The following RAB5B variants were observed in gnomAD, a reference collection of about 807,000 sequenced individuals.
RAB5B encodes the protein RAB5B, member RAS oncogene family.
RAB5B carries 11 observed loss-of-function variants against 28.6 expected under a neutral mutation model. The observed-to-expected ratio is 0.38, with a 90% CI of 0.24 to 0.64. The LOEUF (loss-of-function observed/expected upper bound fraction) is 0.64, where lower values mean the gene tolerates loss of function less well. Ranked by LOEUF, RAB5B falls within the 30% of genes least tolerant of loss-of-function variation. The probability of loss-of-function intolerance (pLI) is 0.53; values close to 1 mark genes in which losing one functional copy is unlikely to be tolerated. For synonymous variants in RAB5B, 93 were observed against 97.9 expected (o/e 0.95, Z 0.29); for missense variants, 169 against 265.6 (o/e 0.64, Z 2.53).
At chr12:55,989,272 C>CGTTT (rs1438885682) in intron 2 of RAB5B, among the ~76,000 whole-genome samples, 1 of 149,012 alleles carries the variant, frequency 6.7e-6, no homozygotes, top group African/African-American at 2.5e-5. Flanking sequence ...TGTTTGTTTG[C>CGTTT]GTTTGTTTGT....
intron 3 of RAB5B, 114 bp downstream of exon 3, chr12:55,990,212 A>T (rs1469047515): frequency 8.4e-7 from 1 of 1,193,308 alleles, no homozygotes; most frequent in African/African-American, 1.5e-5. Flanking sequence ...GATTGAGACC[A>T]TCCTGGCCAA....
At position 55,987,006 on chromosome 12, in the gene RAB5B, A is replaced by G. The variant is rs757683306; in HGVS notation, c.46A>G (p.Ser16Gly). ...TARPNGQPQA[S>G]KICQFKLVLL... is the part of the protein sequence containing the mutation. ...TAGGCCCAATGGGCAACCCCAGGCC[A>G]GCAAAATTTGCCAGTTCAAATTGGT... Residue 16 changes from serine (S) to glycine (G), a missense_variant, in exon 2 of 6, where the codon AGC becomes GGC. Ser to Gly is a moderately conservative substitution (Grantham distance 56). Transcript: ENST00000360299. 16 of 1,551,614 alleles carry G rather than the reference A, an allele frequency of 1.0e-5. No individual in the cohort carries two copies. In the Admixed American group the frequency reaches 2.8e-4, roughly 27 times the overall value.
chr12:55,985,971 A>T (rs533081355), intron 1 of RAB5B, among the ~76,000 whole-genome samples: 1 of 152,320 alleles, frequency 6.6e-6, no homozygotes, highest in South Asian at 2.1e-4. Context: ...ACCTTCAACC[A>T]AAAATGAGAA....
At chr12:55,990,591 A>G in intron 3 of RAB5B, 91 bp from the exon 4 acceptor site, 3 of 1,514,632 alleles carry the variant, frequency 2.0e-6, no homozygotes, top group Middle Eastern at 1.7e-4. Flanking sequence ...AAGACCACCT[A>G]GAAGAGGTGA....
At chr12:55,990,600 G>A in intron 3 of RAB5B, 82 bp from the exon 4 acceptor site, 1 of 1,557,982 alleles carries the variant, frequency 6.4e-7, no homozygotes, top group Non-Finnish European at 8.8e-7. Flanking sequence ...TAGAAGAGGT[G>A]AATTTTGAGA....
In RAB5B at chr12:55,992,221, C is replaced by T. The variant is rs1250567074; in HGVS notation, c.*9C>T. 2.5e-6 allele frequency: 4 copies of T among 1,602,956 alleles called. No homozygotes were observed. The Admixed American group carries it at 6.7e-5, about 27-fold the overall frequency. On this transcript the variant is annotated 3_prime_UTR_variant, in exon 6 of 6. Coordinates refer to ENST00000360299, the MANE Select transcript of RAB5B (RefSeq NM_002868.4). The stretch of plus-strand genomic sequence containing the variant: ...AGTGTTGTAGCAACTGAGGGGGTGG[C>T]TAGCAGCAAACAAGTATGGAGCTAG...
chr12:55,983,440 T>C (rs1889863956), intron 1 of RAB5B, among the ~76,000 whole-genome samples: 1 of 152,236 alleles, frequency 6.6e-6, no homozygotes, highest in African/African-American at 2.4e-5. Flanking sequence ...ATCTTTATTT[T>C]GATCCTTTCG....
At chr12:55,986,735 A>T (rs1889961137) in intron 1 of RAB5B, 134 bp from the exon 2 acceptor site, 1 of 573,108 alleles carries the variant, frequency 1.7e-6, no homozygotes, top group South Asian at 2.0e-5. Context: ...ACCACTGAGG[A>T]TCAGCTGCCT....
chr12:55,992,218 T>C lies in RAB5B; in HGVS notation c.*6T>C, dbSNP rs549923172. On this transcript the variant is annotated 3_prime_UTR_variant, in exon 6 of 6. Coordinates refer to ENST00000360299, the MANE Select transcript of RAB5B (RefSeq NM_002868.4). ...GCCAGTGTTGTAGCAACTGAGGGGGTGGCTAGCAGCAAACAAGTATGGAGC... is the reference window on the plus strand; with the variant it reads ...GCCAGTGTTGTAGCAACTGAGGGGGCGGCTAGCAGCAAACAAGTATGGAGC... The C allele has an allele frequency of 6.2e-7, 1 of 1,606,466 alleles. No homozygotes were observed. Among genetic ancestry groups the C allele is most frequent in the African/African-American group, 1.3e-5 (1 of 74,688 alleles).
Position 55,992,115 on chromosome 12 carries a change from G to A in RAB5B, c.551G>A (p.Ser184Asn). The change falls in exon 6 of 6, where the codon AGT (serine) becomes AAT (asparagine). Residue 184 changes from serine to asparagine, a missense_variant. Ser to Asn is a conservative substitution (Grantham distance 46). Around this residue, in one of 3 missense-constraint regions of RAB5B, gnomAD observed 123 missense variants for 162.4 expected, o/e 0.76. Transcript: ENST00000360299. Reference protein sequence around the residue: ...FLAIAKKLPKSEPQNLGGAAG... With the variant: ...FLAIAKKLPKNEPQNLGGAAG... ...TCTCTAGCTAAGAAGTTGCCAAAGAGTGAACCCCAGAATCTGGGAGGTGCA... is the reference window on the plus strand; with the variant it reads ...TCTCTAGCTAAGAAGTTGCCAAAGAATGAACCCCAGAATCTGGGAGGTGCA... 4.3e-6 allele frequency: 7 copies of A among 1,614,138 alleles called. No individual in the cohort carries two copies. The highest frequency in any genetic ancestry group is 5.1e-6 in the Non-Finnish European group (6 of 1,179,990).
chr12:55,995,976 TATATATAC>T lies in RAB5B; in HGVS notation c.*3772_*3779del, dbSNP rs1412225989. 5.3e-5 allele frequency: 6 copies of T among 112,206 alleles called. No individual in the cohort carries two copies. Among genetic ancestry groups the T allele is most frequent in the South Asian group, 2.6e-4 (1 of 3,806 alleles). 7.0% of individuals were successfully genotyped at this position (112,206 alleles called of 1,614,324 possible). A position where few individuals can be genotyped will look rare whatever the true frequency, so the allele number is the denominator to read the frequency against. Reference sequence around the variant, plus strand: ...CTCTCTCACTCTCTCTCTCTCCATATATATATACATATATATATATATATATATTTTTT... The same window carrying T: ...CTCTCTCACTCTCTCTCTCTCCATATATATATATATATATATATATTTTTT... On this transcript the variant is annotated 3_prime_UTR_variant, in exon 6 of 6. Coordinates refer to ENST00000360299, the MANE Select transcript of RAB5B (RefSeq NM_002868.4).
chr12:55,993,686 T>TC lies in RAB5B; in HGVS notation c.*1476dup, dbSNP rs1375754235. 1.3e-5 allele frequency: 2 copies of TC among 152,670 alleles called. No individual in the cohort carries two copies. The highest frequency in any genetic ancestry group is 2.9e-5 in the Non-Finnish European group (2 of 68,104). The allele number at this position is 152,670 out of a possible 1,614,324, so 9.5% of individuals were successfully genotyped here. On this transcript the variant is annotated 3_prime_UTR_variant, in exon 6 of 6. Coordinates refer to ENST00000360299, the MANE Select transcript of RAB5B (RefSeq NM_002868.4). ...TAATATCTTGAATTTAGTCCCTCCA[T>TC]CCTTAATCCCCCCATCCCTCCCCAT... is the stretch of plus-strand genomic sequence containing the variant.
chr12:55,988,218 G>A (rs931415488), intron 2 of RAB5B, among the ~76,000 whole-genome samples: 2 of 152,162 alleles, frequency 1.3e-5, no homozygotes, highest in African/African-American at 4.8e-5. Context: ...TGTAATCCCA[G>A]CTACTTGGGA....
chr12:55,980,745 C>T (rs1389793601), intron 1 of RAB5B: 13 of 1,578,806 alleles, frequency 8.2e-6, no homozygotes, highest in South Asian at 5.5e-5. Flanking sequence ...TGAATATTCT[C>T]GAAAGATTTC....
chr12:55,983,955 A>G (rs527478374), intron 1 of RAB5B, among the ~76,000 whole-genome samples: 9 of 151,164 alleles, frequency 6.0e-5, no homozygotes, highest in Non-Finnish European at 8.9e-5. Flanking sequence ...CCGCTCTGCC[A>G]GGCCTGTTTT....
Position 55,992,560 on chromosome 12 carries a change from A to G in RAB5B, c.*348A>G, listed in dbSNP as rs3741500. 6.1e-5 allele frequency: 29 copies of G among 476,254 alleles called. No individual in the cohort carries two copies. In the East Asian group the frequency reaches 7.4e-4, roughly 12 times the overall value. 29.5% of individuals were successfully genotyped at this position (476,254 alleles called of 1,614,324 possible). ...GTTCCTCCCCATTTTTTCAGAAAAC[A>G]CTTCTGACTCCTGTCCCTTCCCCTT... On this transcript the variant is annotated 3_prime_UTR_variant, in exon 6 of 6. Transcript: ENST00000360299.
At chr12:55,992,058 A>C in intron 5 of RAB5B, 39 bp from the exon 6 acceptor site, 1 of 1,543,302 alleles carries the variant, frequency 6.5e-7, no homozygotes, top group Non-Finnish European at 8.9e-7. Context: ...AGGGAAGTAA[A>C]GTCTACCATA....
rs1890309471 is a variant in RAB5B at position 55,996,426 on chromosome 12, A to C, written c.*4214A>C. On this transcript the variant is annotated 3_prime_UTR_variant, in exon 6 of 6. Transcript: ENST00000360299. ...TTTATGCCCCTTACTTTGAGATAAG[A>C]GACTACAACCTTCATACTTCGGGGT... 1 of 152,152 alleles carries C rather than the reference A, an allele frequency of 6.6e-6. No individual in the cohort carries two copies. The highest frequency in any genetic ancestry group is 1.5e-5 in the Non-Finnish European group (1 of 68,026). 9.4% of individuals were successfully genotyped at this position (152,152 alleles called of 1,614,324 possible).
chr12:55,993,424 G>A lies in RAB5B; in HGVS notation c.*1212G>A, dbSNP rs1180304807. On this transcript the variant is annotated 3_prime_UTR_variant, in exon 6 of 6. Transcript: ENST00000360299. ...ATTGACTATAGGTTTGCCTTTCCTG[G>A]AGAATTAATTGAGCAATTGAGGAGT... is the stretch of plus-strand genomic sequence containing the variant. 6.6e-6 allele frequency: 1 copy of A among 152,576 alleles called. No individual in the cohort carries two copies. Among genetic ancestry groups the A allele is most frequent in the Non-Finnish European group, 1.5e-5 (1 of 68,050 alleles). 9.5% of individuals were successfully genotyped at this position (152,576 alleles called of 1,614,324 possible). A position where few individuals can be genotyped will look rare whatever the true frequency, so the allele number is the denominator to read the frequency against.
Sources: gnomAD v4.1 joint callset for allele counts (sites outside exome capture counted in the v4.1 genomes callset) on GRCh38, gnomAD v4.1.1 for gene constraint, gnomAD v4.1.1 regional missense constraint, MANE v1.5 for transcripts, NCBI Gene and HGNC (gene_info 2026-07-23, HGNC 2026-07-21) for gene names.